Variants in DPYD observed in about 807,000 individuals in gnomAD.
DPYD encodes the protein dihydropyrimidine dehydrogenase.
DPYD carries 109 observed loss-of-function variants against 116.2 expected under a neutral mutation model. The observed-to-expected ratio is 0.94, with a 90% confidence interval of 0.80 to 1.10. The LOEUF (loss-of-function observed/expected upper bound fraction) is 1.10, where lower values mean the gene tolerates loss of function less well. DPYD is among the 50% of genes least tolerant of loss of function. The pLI, the probability that DPYD is intolerant of heterozygous loss-of-function variation, is 0.00. For synonymous variants in DPYD, 440 were observed against 432.0 expected (o/e 1.02, Z -0.23); for missense variants, 1,302 against 1,254.5 (o/e 1.04, Z -0.57).
chr1:97,208,557 C>T (rs1659821334), intron 19 of DPYD, among the ~76,000 whole-genome samples: 1 of 152,030 alleles, frequency 6.6e-6, no homozygotes, highest in East Asian at 1.9e-4. Flanking sequence ...AGGATTGGGA[C>T]TATAGGTGTG....
chr1:97,683,505 G>T (rs1469365279), intron 7 of DPYD, among the ~76,000 whole-genome samples: 2 of 151,732 alleles, frequency 1.3e-5, no homozygotes, highest in African/African-American at 4.8e-5. Context: ...TTTGGGAAAT[G>T]ACAAATATAC....
In DPYD at chr1:97,207,637, T is replaced by C. The variant is rs573504396; in HGVS notation, c.2443-14389A>G. 3.9e-5 allele frequency among the ~76,000 whole-genome samples: 6 copies of C among 152,262 alleles called. 1 individual carries two copies. In the East Asian group the frequency reaches 5.8e-4, roughly 15 times the overall value. On this transcript the variant is annotated intron_variant, in intron 19 of 22. Transcript: ENST00000370192. ...TTTAACAATGACTGAATTCACACTA[T>C]CAAATCCAATATATACAATGTTCTA...
intron 3 of DPYD, among the ~76,000 whole-genome samples, chr1:97,800,870 C>T (rs1278137674): frequency 6.6e-6 from 1 of 151,850 alleles, no homozygotes; most frequent in Non-Finnish European, 1.5e-5. Flanking sequence ...TCCTTAATAC[C>T]ATTTAATTAT....
At chr1:97,265,409 C>T (rs911427195) in intron 18 of DPYD, 1 of 152,158 alleles carries the variant, frequency 6.6e-6, no homozygotes, top group Non-Finnish European at 1.5e-5. Flanking sequence ...CTCTCCTCCC[C>T]ACAGCAATCC....
Position 97,595,143 on chromosome 1 carries a change from C to T in DPYD, c.874G>A (p.Ala292Thr). Reference protein sequence around the residue: ...GIGLPEPNKDAIFQGLTQDQG... With the variant: ...GIGLPEPNKDTIFQGLTQDQG... The stretch of plus-strand genomic sequence containing the variant: ...TCCTGCGTCAGGCCTTGGAAGATGG[C>T]ATCTTTATTGGGTTCTGGCAAACCT... The change falls in exon 9 of 23, where the codon GCC (alanine) becomes ACC (threonine). Residue 292 changes from alanine (A) to threonine (T), a missense_variant. Transcript: ENST00000370192. 6.2e-7 allele frequency: 1 copy of T among 1,613,498 alleles called. No homozygotes were observed.
chr1:97,369,898 C>A (rs948298320), intron 16 of DPYD, among the ~76,000 whole-genome samples: 1 of 152,124 alleles, frequency 6.6e-6, no homozygotes, highest in African/African-American at 2.4e-5. Context: ...AAAAAGCGAG[C>A]AGCATTAGTT....
intron 14 of DPYD, among the ~76,000 whole-genome samples, chr1:97,439,411 T>G (rs1421350596): frequency 6.6e-6 from 1 of 152,232 alleles, no homozygotes; most frequent in African/African-American, 2.4e-5. Flanking sequence ...TTTTCTCTAA[T>G]GTTATCTATT....
intron 13 of DPYD, among the ~76,000 whole-genome samples, chr1:97,495,057 T>C (rs990300787): frequency 3.3e-5 from 5 of 152,162 alleles, no homozygotes; most frequent in African/African-American, 1.2e-4. Context: ...AAAAACATCA[T>C]GTGAAGTCTG....
intron 19 of DPYD, among the ~76,000 whole-genome samples, chr1:97,216,512 A>G (rs1173444793): frequency 1.3e-5 from 2 of 152,162 alleles, no homozygotes; most frequent in Non-Finnish European, 2.9e-5. Context: ...GTGTGAGAGA[A>G]GCGGGGCACA....
intron 2 of DPYD, among the ~76,000 whole-genome samples, chr1:97,852,277 A>G (rs548713008): frequency 6.6e-6 from 1 of 152,112 alleles, no homozygotes; most frequent in African/African-American, 2.4e-5. Context: ...CTATTATAAC[A>G]TAACAGTGCT....
intron 12 of DPYD, among the ~76,000 whole-genome samples, chr1:97,538,382 A>G (rs1289929786): frequency 6.6e-6 from 1 of 152,232 alleles, no homozygotes; most frequent in Admixed American, 6.5e-5. Context: ...CTGCCATCAG[A>G]TGGTAATGAC....
chr1:97,499,189 A>T (rs756690355), intron 13 of DPYD, among the ~76,000 whole-genome samples: 1 of 151,762 alleles, frequency 6.6e-6, no homozygotes, highest in Non-Finnish European at 1.5e-5. Context: ...TATATCTTTA[A>T]ATAAAACAAA....
chr1:97,417,014 A>C (rs943692354), intron 14 of DPYD, among the ~76,000 whole-genome samples: 1 of 152,188 alleles, frequency 6.6e-6, no homozygotes. Context: ...CTAGCTGGAG[A>C]AATATGTTCC....
At chr1:97,691,942 G>T in intron 6 of DPYD, 144 bp from the exon 7 acceptor site, 1 of 685,080 alleles carries the variant, frequency 1.5e-6, no homozygotes, top group Non-Finnish European at 2.6e-6. Context: ...CACAAGATAT[G>T]CATGAGGACA....
intron 14 of DPYD, among the ~76,000 whole-genome samples, chr1:97,384,124 T>A (rs901816334): frequency 6.6e-6 from 1 of 150,986 alleles, no homozygotes; most frequent in Non-Finnish European, 1.5e-5. Context: ...AATAAAAAAA[T>A]AAAGACTAAG....
chr1:97,537,310 G>A (rs1200984617), intron 12 of DPYD, among the ~76,000 whole-genome samples: 1 of 152,058 alleles, frequency 6.6e-6, no homozygotes, highest in African/African-American at 2.4e-5. Context: ...ACCCAGCATT[G>A]TGGATTCATT....
chr1:97,611,233 T>C (rs967478400), intron 8 of DPYD, among the ~76,000 whole-genome samples: 3 of 152,204 alleles, frequency 2.0e-5, no homozygotes, highest in Non-Finnish European at 4.4e-5. Flanking sequence ...AGAGAAACTC[T>C]TGCTTTTAAA....
At chr1:97,352,371 T>C (rs1425157530) in intron 16 of DPYD, among the ~76,000 whole-genome samples, 1 of 152,210 alleles carries the variant, frequency 6.6e-6, no homozygotes, top group Non-Finnish European at 1.5e-5. Flanking sequence ...TAATAACTAA[T>C]GAATTAAATG....
At chr1:97,301,418 A>T (rs1017078356) in intron 18 of DPYD, among the ~76,000 whole-genome samples, 1 of 151,992 alleles carries the variant, frequency 6.6e-6, no homozygotes, top group Non-Finnish European at 1.5e-5. Flanking sequence ...AATAATTTAA[A>T]ATAATAAGTT....
Sources: gnomAD v4.1 joint callset for allele counts (sites outside exome capture counted in the v4.1 genomes callset) on GRCh38, gnomAD v4.1.1 for gene constraint, MANE v1.5 for transcripts, NCBI Gene and HGNC (gene_info 2026-07-23, HGNC 2026-07-21) for gene names.